The following NTM variants were observed in gnomAD, a reference collection of about 807,000 sequenced individuals.
NTM encodes neurotrimin, also known as IgLON family member 2.
A neutral mutation model predicts 42.1 loss-of-function variants in NTM; 13 were observed. The ratio of observed to expected loss-of-function variants is 0.31; its 90% CI spans 0.20 to 0.49. The LOEUF is 0.49. Ranked by LOEUF, NTM falls within the 20% of genes least tolerant of loss-of-function variation. The pLI is 0.99. For synonymous variants in NTM, 187 were observed against 179.2 expected, an observed-to-expected ratio of 1.04 and a Z score of -0.35; for missense variants, 373 against 452.8, an observed-to-expected ratio of 0.82 and a Z score of 1.60.
At chr11:132,152,823 G>GA (rs1377052435) in intron 3 of NTM, among the ~76,000 whole-genome samples, 1 of 152,192 alleles carries the variant, frequency 6.6e-6, no homozygotes, top group Non-Finnish European at 1.5e-5. Flanking sequence ...AGTAATCTCA[G>GA]AAAAATGCCA....
At chr11:131,478,366 A>G (rs1230936597) in intron 1 of NTM, among the ~76,000 whole-genome samples, 1 of 152,206 alleles carries the variant, frequency 6.6e-6, no homozygotes, top group Non-Finnish European at 1.5e-5. Flanking sequence ...TCTAGAGAGC[A>G]TTTATGGACA....
chr11:132,321,967 C>A (rs370383129), intron 7 of NTM, among the ~76,000 whole-genome samples: 1 of 150,520 alleles, frequency 6.6e-6, no homozygotes, highest in African/African-American at 2.4e-5. Flanking sequence ...ACTTTACAGA[C>A]AAGCAAATGC....
chr11:132,170,542 G>A (rs1004607394), intron 3 of NTM, among the ~76,000 whole-genome samples: 16 of 152,236 alleles, frequency 1.1e-4, no homozygotes, highest in South Asian at 2.1e-4. Context: ...AAAAGTCCTT[G>A]GCATTTAATT....
At chr11:131,957,410 C>T (rs1289579182) in intron 2 of NTM, among the ~76,000 whole-genome samples, 1 of 152,164 alleles carries the variant, frequency 6.6e-6, no homozygotes, top group East Asian at 1.9e-4. Flanking sequence ...CTCCAACTCC[C>T]TCCTGCAGGT....
chr11:132,042,567 G>A (rs192494894), intron 2 of NTM, among the ~76,000 whole-genome samples: 12 of 152,296 alleles, frequency 7.9e-5, no homozygotes, highest in East Asian at 1.9e-4. Flanking sequence ...AAAGGCTCTC[G>A]CTGTTGGGCA....
At chr11:131,471,490 G>T (rs1425783831) in intron 1 of NTM, among the ~76,000 whole-genome samples, 3 of 152,198 alleles carry the variant, frequency 2.0e-5, no homozygotes, top group Non-Finnish European at 4.4e-5. Flanking sequence ...ACTGAGGGAT[G>T]GTGAGTGTTT....
chr11:131,754,234 T>C (rs1268253768), intron 1 of NTM, among the ~76,000 whole-genome samples: 1 of 152,058 alleles, frequency 6.6e-6, no homozygotes, highest in Non-Finnish European at 1.5e-5. Flanking sequence ...TATACATATG[T>C]AACTAACCTG....
intron 2 of NTM, among the ~76,000 whole-genome samples, chr11:131,996,952 C>G (rs2068165678): frequency 6.6e-6 from 1 of 152,216 alleles, no homozygotes; most frequent in Non-Finnish European, 1.5e-5. Flanking sequence ...AAACATATCA[C>G]TGGCTTCCTA....
At chr11:131,682,903 C>T (rs1348705333) in intron 1 of NTM, among the ~76,000 whole-genome samples, 2 of 152,118 alleles carry the variant, frequency 1.3e-5, no homozygotes, top group South Asian at 2.1e-4. Context: ...CACATTTTAC[C>T]TACCAGCCGG....
chr11:131,437,347 T>C (rs1408710020), intron 1 of NTM, among the ~76,000 whole-genome samples: 3 of 152,186 alleles, frequency 2.0e-5, no homozygotes, highest in Non-Finnish European at 4.4e-5. Context: ...CTTGTTAACC[T>C]TCTGTCTCGT....
intron 2 of NTM, among the ~76,000 whole-genome samples, chr11:132,079,646 T>C (rs1430322444): frequency 6.6e-6 from 1 of 152,188 alleles, no homozygotes; most frequent in Non-Finnish European, 1.5e-5. Context: ...GGCTAACTCC[T>C]CTTTTGCATG....
intron 2 of NTM, among the ~76,000 whole-genome samples, chr11:131,997,050 G>GGGCTGGCTGCTA (rs2068189345): frequency 6.6e-6 from 1 of 152,176 alleles, no homozygotes; most frequent in Non-Finnish European, 1.5e-5. Flanking sequence ...GGCCTCTCCT[G>GGGCTGGCTGCTA]GGCTGGCTGC....
chr11:132,138,615 T>TATCTATCTATCTATCTATCTATC (rs1555280056), intron 2 of NTM, among the ~76,000 whole-genome samples: 3,877 of 109,940 alleles, frequency 0.035, 60 homozygotes, highest in Non-Finnish European at 0.046. Flanking sequence ...TCTATCTATC[T>TATCTATCTATCTATCTATCTATC]ATCTATTCTA....
At chr11:132,071,715 G>T (rs982154124) in intron 2 of NTM, among the ~76,000 whole-genome samples, 1 of 152,224 alleles carries the variant, frequency 6.6e-6, no homozygotes, top group African/African-American at 2.4e-5. Context: ...AATTATATGG[G>T]GTGTGCGTTT....
chr11:131,432,540 T>C (rs1386515375), intron 1 of NTM, among the ~76,000 whole-genome samples: 1 of 152,122 alleles, frequency 6.6e-6, no homozygotes, highest in Non-Finnish European at 1.5e-5. Flanking sequence ...TTAGGACAAC[T>C]GAGACACAGT....
chr11:131,657,149 C>CA (rs142930391), intron 1 of NTM, among the ~76,000 whole-genome samples: 11,813 of 142,700 alleles, frequency 0.083, 740 homozygotes, highest in Admixed American at 0.2. Flanking sequence ...GAAGACCAGC[C>CA]CAAAAAAAAA....
At chr11:132,039,415 A>AT (rs71475786) in intron 2 of NTM, among the ~76,000 whole-genome samples, 2,424 of 133,206 alleles carry the variant, frequency 0.018, 58 homozygotes, top group African/African-American at 0.048. Context: ...GCCCCTCATA[A>AT]TTTTTTTTTT....
intron 3 of NTM, among the ~76,000 whole-genome samples, chr11:132,157,746 T>C (rs1368285572): frequency 6.6e-6 from 1 of 152,194 alleles, no homozygotes; most frequent in Non-Finnish European, 1.5e-5. Context: ...ATTCTAGCCT[T>C]CTTTCCTGAC....
intron 2 of NTM, among the ~76,000 whole-genome samples, chr11:132,074,112 A>G (rs1422583841): frequency 1.3e-5 from 2 of 152,198 alleles, no homozygotes; most frequent in Non-Finnish European, 2.9e-5. Flanking sequence ...GCCACCAGAT[A>G]ATGGGTTGTT....
Sources: gnomAD v4.1 joint callset for allele counts (sites outside exome capture counted in the v4.1 genomes callset) on GRCh38, gnomAD v4.1.1 for gene constraint, MANE v1.5 for transcripts, NCBI Gene and HGNC (gene_info 2026-07-23, HGNC 2026-07-21) for gene names.